The following ADAMTSL1 variants were observed in gnomAD, a reference collection of about 807,000 sequenced individuals.
ADAMTSL1 encodes ADAMTS like 1, also known as ADAMTS-like protein 1.
Under a neutral mutation model 201.8 loss-of-function variants are expected in ADAMTSL1, and 126 were observed. The observed-to-expected ratio is 0.62, with a 90% CI of 0.54 to 0.72. The LOEUF is 0.72. ADAMTSL1 is among the 30% of genes least tolerant of loss of function. The pLI, the probability that ADAMTSL1 is intolerant of heterozygous loss-of-function variation, is 0.00. For missense variants in ADAMTSL1, 2,679 were observed against 2,277.8 expected (o/e 1.18, Z -3.59); for synonymous variants, 1,121 against 903.4 (o/e 1.24, Z -4.32).
chr9:18,359,837 C>CCCCCCA (rs557711954), intron 2 of ADAMTSL1, among the ~76,000 whole-genome samples: 2 of 122,748 alleles, frequency 1.6e-5, no homozygotes, highest in South Asian at 7.4e-4. Flanking sequence ...GCCCCCCCGC[C>CCCCCCA]CACACAAAAT....
chr9:18,374,190 C>T lies in ADAMTSL1; in HGVS notation c.208-130639C>T, dbSNP rs569107637. Among the ~76,000 whole-genome samples, 68 of 152,304 alleles carry T rather than the reference C, an allele frequency of 4.5e-4. No homozygotes were observed. The South Asian group carries it at 0.012, about 28-fold the overall frequency. ...AACCCCTTACCTTTGCTAATGCCTA[C>T]TCTTTTTTGCCCTAGCATTTGCCCT... On this transcript the variant is annotated intron_variant, in intron 2 of 29. Transcript: ENST00000680146.
chr9:18,299,019 A>T (rs972882588), intron 2 of ADAMTSL1, among the ~76,000 whole-genome samples: 3 of 149,974 alleles, frequency 2.0e-5, no homozygotes, highest in African/African-American at 7.4e-5. Flanking sequence ...CTCAAAAAAA[A>T]AAAATAATAA....
At chr9:18,433,934 A>G (rs1450470744) in intron 2 of ADAMTSL1, among the ~76,000 whole-genome samples, 1 of 152,218 alleles carries the variant, frequency 6.6e-6, no homozygotes, top group Non-Finnish European at 1.5e-5. Flanking sequence ...GCTAATTGCA[A>G]TTCTCATATC....
intron 1 of ADAMTSL1, among the ~76,000 whole-genome samples, chr9:18,034,533 AC>A (rs1821111221): frequency 1.3e-5 from 2 of 152,054 alleles, no homozygotes; most frequent in Admixed American, 1.3e-4. Context: ...CTTTTTTCAA[AC>A]CAGTTTTGCC....
intron 1 of ADAMTSL1, among the ~76,000 whole-genome samples, chr9:18,152,585 C>T (rs1038455903): frequency 2.0e-5 from 3 of 151,800 alleles, no homozygotes; most frequent in African/African-American, 7.3e-5. Flanking sequence ...AATGAGAAAC[C>T]AAAGGAATGG....
intron 2 of ADAMTSL1, among the ~76,000 whole-genome samples, chr9:18,442,162 T>C (rs1167538376): frequency 6.6e-6 from 1 of 152,226 alleles, no homozygotes; most frequent in East Asian, 1.9e-4. Context: ...GAGAGCTTTA[T>C]TCTAAAAGAG....
At chr9:18,766,537 G>A (rs943563783) in intron 16 of ADAMTSL1, among the ~76,000 whole-genome samples, 20 of 152,042 alleles carry the variant, frequency 1.3e-4, no homozygotes, top group Non-Finnish European at 1.9e-4. Context: ...AGTCCATTCC[G>A]GCTGCTAAAA....
At chr9:17,979,037 T>C (rs935866841) in intron 1 of ADAMTSL1, among the ~76,000 whole-genome samples, 1 of 152,038 alleles carries the variant, frequency 6.6e-6, no homozygotes, top group Non-Finnish European at 1.5e-5. Context: ...CTCAGACATA[T>C]GCTGATGGTC....
chr9:18,059,138 A>G (rs1057339378), intron 1 of ADAMTSL1, among the ~76,000 whole-genome samples: 10 of 152,092 alleles, frequency 6.6e-5, no homozygotes, highest in African/African-American at 1.7e-4. Context: ...CTGTGCTGCA[A>G]TGATTTGGAG....
chr9:18,061,572 C>T (rs1822456914), intron 1 of ADAMTSL1, among the ~76,000 whole-genome samples: 1 of 152,156 alleles, frequency 6.6e-6, no homozygotes, highest in East Asian at 1.9e-4. Flanking sequence ...TGGACCTAGG[C>T]TCTAACAGCT....
At chr9:18,049,107 A>C (rs953837195) in intron 1 of ADAMTSL1, among the ~76,000 whole-genome samples, 2 of 152,038 alleles carry the variant, frequency 1.3e-5, no homozygotes, top group African/African-American at 2.4e-5. Flanking sequence ...TTTCTCTTAT[A>C]AGGACACCAG....
chr9:18,197,970 T>A (rs1234188420), intron 2 of ADAMTSL1, among the ~76,000 whole-genome samples: 1 of 152,142 alleles, frequency 6.6e-6, no homozygotes, highest in African/African-American at 2.4e-5. Context: ...TACAACGATC[T>A]GATCTTTGAC....
chr9:18,571,979 G>C (rs540355781), intron 3 of ADAMTSL1, among the ~76,000 whole-genome samples: 71 of 152,228 alleles, frequency 4.7e-4, no homozygotes, highest in Non-Finnish European at 8.5e-4. Context: ...GATCACCTGA[G>C]GTCAGGAGTT....
At chr9:18,687,001 A>T (rs906406067) in intron 13 of ADAMTSL1, among the ~76,000 whole-genome samples, 1 of 152,230 alleles carries the variant, frequency 6.6e-6, no homozygotes, top group Non-Finnish European at 1.5e-5. Context: ...CTCTTAGTGT[A>T]ATGAAATTGC....
intron 9 of ADAMTSL1, among the ~76,000 whole-genome samples, chr9:18,671,736 A>G (rs1158453367): frequency 2.0e-5 from 3 of 151,760 alleles, no homozygotes; most frequent in African/African-American, 7.3e-5. Flanking sequence ...GGATCTCTTT[A>G]TGGTTCATTT....
intron 23 of ADAMTSL1, among the ~76,000 whole-genome samples, chr9:18,880,299 A>T (rs1285813456): frequency 6.6e-6 from 1 of 152,080 alleles, no homozygotes; most frequent in Non-Finnish European, 1.5e-5. Flanking sequence ...TTTCCAGAAC[A>T]TTTTCTATTT....
chr9:18,301,794 C>G (rs1304969504), intron 2 of ADAMTSL1, among the ~76,000 whole-genome samples: 1 of 152,206 alleles, frequency 6.6e-6, no homozygotes, highest in East Asian at 1.9e-4. Context: ...AAGGTAGTGA[C>G]AATGACGGAA....
intron 2 of ADAMTSL1, among the ~76,000 whole-genome samples, chr9:18,447,765 G>T (rs756069647): frequency 5.3e-5 from 8 of 152,162 alleles, no homozygotes; most frequent in Non-Finnish European, 1.0e-4. Context: ...AGTCTCATAA[G>T]CCTCTCTGCC....
intron 27 of ADAMTSL1, 142 bp downstream of exon 27, chr9:18,906,033 A>T: frequency 2.8e-6 from 2 of 713,378 alleles, no homozygotes; most frequent in Non-Finnish European, 4.7e-6. Context: ...ACCGCAAGCC[A>T]CTGGCCTCCC....
Sources: gnomAD v4.1 joint callset for allele counts (sites outside exome capture counted in the v4.1 genomes callset) on GRCh38, gnomAD v4.1.1 for gene constraint, MANE v1.5 for transcripts, NCBI Gene and HGNC (gene_info 2026-07-23, HGNC 2026-07-21) for gene names.